Variants in CTNNA3 observed in about 807,000 individuals in gnomAD.
CTNNA3 encodes catenin alpha 3.
CTNNA3 carries 76 observed loss-of-function variants against 95.7 expected under a neutral mutation model. That is an observed-to-expected ratio of 0.79 (90% CI 0.66 to 0.96). CTNNA3 has a LOEUF of 0.96. Among genes scored for constraint, CTNNA3 ranks in the 40% least tolerant of loss-of-function variants. The probability of loss-of-function intolerance (pLI) is 0.00; values close to 1 mark genes in which losing one functional copy is unlikely to be tolerated. For synonymous variants in CTNNA3, 431 were observed against 374.4 expected (o/e 1.15, Z -1.74); for missense variants, 1,191 against 1,089.8 (o/e 1.09, Z -1.31).
intron 12 of CTNNA3, among the ~76,000 whole-genome samples, chr10:66,378,034 T>G (rs748097217): frequency 2.3e-5 from 3 of 130,010 alleles, no homozygotes; most frequent in Non-Finnish European, 5.0e-5. Context: ...TCAATGATTT[T>G]GTTTATCAAC....
intron 1 of CTNNA3, among the ~76,000 whole-genome samples, chr10:67,679,004 C>T (rs1236371702): frequency 1.3e-5 from 2 of 152,172 alleles, no homozygotes; most frequent in Non-Finnish European, 1.5e-5. Flanking sequence ...AATATTTTTA[C>T]TTTGCTTTCA....
intron 13 of CTNNA3, among the ~76,000 whole-genome samples, chr10:66,175,938 A>G (rs1021015363): frequency 6.6e-6 from 1 of 152,220 alleles, no homozygotes; most frequent in Non-Finnish European, 1.5e-5. Context: ...ACACAGGGAT[A>G]AGCTCAAGAA....
intron 7 of CTNNA3, among the ~76,000 whole-genome samples, chr10:67,179,159 A>T (rs1862384464): frequency 6.6e-6 from 1 of 152,088 alleles, no homozygotes; most frequent in African/African-American, 2.4e-5. Context: ...CTTTGTAACT[A>T]ATCATTCTCA....
At chr10:66,428,533 C>T (rs1316255950) in intron 11 of CTNNA3, among the ~76,000 whole-genome samples, 2 of 152,044 alleles carry the variant, frequency 1.3e-5, no homozygotes, top group East Asian at 1.9e-4. Flanking sequence ...TGTAAAAGAA[C>T]AGAAATTATA....
intron 7 of CTNNA3, among the ~76,000 whole-genome samples, chr10:67,028,711 A>T (rs1379102909): frequency 6.6e-6 from 1 of 152,086 alleles, no homozygotes; most frequent in African/African-American, 2.4e-5. Context: ...ACTATTTAGA[A>T]CATTTAAAAT....
chr10:66,534,102 C>G (rs1841564898), intron 10 of CTNNA3, among the ~76,000 whole-genome samples: 1 of 152,106 alleles, frequency 6.6e-6, no homozygotes, highest in Non-Finnish European at 1.5e-5. Context: ...GTGCTCAACT[C>G]TAGTGAGTCT....
At chr10:66,746,924 G>T (rs1442188880) in intron 9 of CTNNA3, among the ~76,000 whole-genome samples, 5 of 151,996 alleles carry the variant, frequency 3.3e-5, no homozygotes, top group African/African-American at 1.2e-4. Flanking sequence ...CAGTGTCATG[G>T]AACTGCGATT....
chr10:67,485,020 A>G (rs907101941), intron 5 of CTNNA3, among the ~76,000 whole-genome samples: 1 of 152,226 alleles, frequency 6.6e-6, no homozygotes, highest in Non-Finnish European at 1.5e-5. Flanking sequence ...ATGCACTCAT[A>G]TGTTCATCAC....
At chr10:66,121,409 CT>C (rs1423445391) in intron 13 of CTNNA3, among the ~76,000 whole-genome samples, 1 of 152,116 alleles carries the variant, frequency 6.6e-6, no homozygotes, top group Non-Finnish European at 1.5e-5. Flanking sequence ...AAGCTCCAGA[CT>C]TTTAAAATTG....
chr10:67,004,079 C>T (rs1471907373), intron 7 of CTNNA3, among the ~76,000 whole-genome samples: 5 of 151,432 alleles, frequency 3.3e-5, no homozygotes, highest in African/African-American at 1.2e-4. Context: ...AACTTACCTG[C>T]ATTTTGATGT....
chr10:66,866,393 A>G (rs918138930), intron 7 of CTNNA3, among the ~76,000 whole-genome samples: 3 of 152,214 alleles, frequency 2.0e-5, no homozygotes, highest in African/African-American at 7.2e-5. Context: ...AATGTTGCCT[A>G]CGCATCATCA....
At chr10:66,324,420 A>T (rs2092228759) in intron 12 of CTNNA3, among the ~76,000 whole-genome samples, 1 of 152,176 alleles carries the variant, frequency 6.6e-6, no homozygotes, top group South Asian at 2.1e-4. Flanking sequence ...GGACACAGAA[A>T]GCTGTCACTC....
At chr10:66,301,880 TGGAA>T (rs923670773) in intron 12 of CTNNA3, among the ~76,000 whole-genome samples, 6 of 151,950 alleles carry the variant, frequency 3.9e-5, no homozygotes, top group Non-Finnish European at 8.8e-5. Context: ...CATTCAGACT[TGGAA>T]GGAAGATTAA....
At chr10:67,685,490 C>G (rs1356215425) in intron 1 of CTNNA3, among the ~76,000 whole-genome samples, 1 of 152,194 alleles carries the variant, frequency 6.6e-6, no homozygotes, top group Non-Finnish European at 1.5e-5. Flanking sequence ...GGAGTTCCTC[C>G]TAGGTCTGGT....
chr10:66,764,888 T>C (rs1281190096), intron 9 of CTNNA3, among the ~76,000 whole-genome samples: 2 of 152,246 alleles, frequency 1.3e-5, no homozygotes, highest in Non-Finnish European at 2.9e-5. Flanking sequence ...TCAATGACTA[T>C]GAAGAGGCCC....
At chr10:67,449,292 A>G (rs984035049) in intron 5 of CTNNA3, among the ~76,000 whole-genome samples, 1 of 152,204 alleles carries the variant, frequency 6.6e-6, no homozygotes, top group Non-Finnish European at 1.5e-5. Flanking sequence ...TATTCTTACC[A>G]AACTACCAAT....
At chr10:67,319,286 A>T (rs776289581) in intron 5 of CTNNA3, among the ~76,000 whole-genome samples, 2 of 152,004 alleles carry the variant, frequency 1.3e-5, no homozygotes, top group Non-Finnish European at 2.9e-5. Flanking sequence ...CTCTTTGTGG[A>T]TCTCGCCCAA....
intron 12 of CTNNA3, among the ~76,000 whole-genome samples, chr10:66,367,853 A>T (rs4387243): frequency 0.15 from 13,601 of 92,538 alleles, 907 homozygotes; most frequent in South Asian, 0.27. Context: ...CTTCTTTTAT[A>T]ATAATAATAA....
At chr10:66,513,584 A>T (rs1840737426) in intron 11 of CTNNA3, among the ~76,000 whole-genome samples, 1 of 152,134 alleles carries the variant, frequency 6.6e-6, no homozygotes, top group Admixed American at 6.5e-5. Flanking sequence ...TTGCTGGGCC[A>T]AGTTTGCTGG....
Sources: gnomAD v4.1 joint callset for allele counts (sites outside exome capture counted in the v4.1 genomes callset) on GRCh38, gnomAD v4.1.1 for gene constraint, MANE v1.5 for transcripts, NCBI Gene and HGNC (gene_info 2026-07-23, HGNC 2026-07-21) for gene names.